ECHDC1: variants seen among roughly 807,000 people sequenced by gnomAD.
ECHDC1 encodes ethylmalonyl-CoA decarboxylase 1.
Under a neutral mutation model 29.7 loss-of-function variants are expected in ECHDC1, and 29 were observed. The observed-to-expected ratio is 0.98, with a 90% CI of 0.73 to 1.33. The LOEUF (loss-of-function observed/expected upper bound fraction) is 1.33. ECHDC1 is among the 40% of genes most tolerant of loss of function. The pLI is 0.00. For missense variants in ECHDC1, 328 were observed against 350.0 expected, an observed-to-expected ratio of 0.94 and a Z score of 0.50; for synonymous variants, 126 against 123.1, an observed-to-expected ratio of 1.02 and a Z score of -0.15.
chr6:127,328,809 G>A (rs558791767), intron 2 of ECHDC1, among the ~76,000 whole-genome samples: 2 of 152,212 alleles, frequency 1.3e-5, no homozygotes, highest in South Asian at 2.1e-4. Context: ...GGCAGATCAC[G>A]AGGTCAGGAG....
At chr6:127,317,351 C>CTTCCATATATACT (rs1782470944) in intron 3 of ECHDC1, among the ~76,000 whole-genome samples, 1 of 151,672 alleles carries the variant, frequency 6.6e-6, no homozygotes, top group Non-Finnish European at 1.5e-5. Context: ...TTTTGGAAGT[C>CTTCCATATATACT]TCATCTACTT....
intron 5 of ECHDC1, among the ~76,000 whole-genome samples, chr6:127,299,978 A>T (rs1287232084): frequency 6.6e-6 from 1 of 152,186 alleles, no homozygotes; most frequent in African/African-American, 2.4e-5. Flanking sequence ...CCTAGGAGCA[A>T]TAAGCTATAC....
At chr6:127,316,286 T>G in intron 4 of ECHDC1, 164 bp downstream of exon 4, 1 of 576,640 alleles carries the variant, frequency 1.7e-6, no homozygotes, top group Non-Finnish European at 3.1e-6. Context: ...TTCATTAACA[T>G]GTAATTAAAT....
At chr6:127,292,622 A>G (rs1250649460) in intron 5 of ECHDC1, among the ~76,000 whole-genome samples, 1 of 151,976 alleles carries the variant, frequency 6.6e-6, no homozygotes, top group African/African-American at 2.4e-5. Flanking sequence ...CCTTTACAGG[A>G]CTCTTTTAAC....
At chr6:127,333,721 C>A in intron 1 of ECHDC1, among the ~76,000 whole-genome samples, 1 of 137,284 alleles carries the variant, frequency 7.3e-6, no homozygotes, top group South Asian at 2.4e-4. Flanking sequence ...ACACAGTTTA[C>A]CAGTATACCA....
At chr6:127,310,668 A>T (rs1005637908) in intron 5 of ECHDC1, among the ~76,000 whole-genome samples, 1 of 152,232 alleles carries the variant, frequency 6.6e-6, no homozygotes, top group Non-Finnish European at 1.5e-5. Context: ...ACACTGTTGA[A>T]ATGACAACAA....
At position 127,342,521 on chromosome 6, in the gene ECHDC1, T is replaced by A. The variant is rs557281969; in HGVS notation, c.-3+815A>T. Reference sequence around the variant, plus strand: ...CTGCGCTGCTCCCTCCCCTCGTAGATTTCACAAATATACTTCTCACCACAA... The same window carrying A: ...CTGCGCTGCTCCCTCCCCTCGTAGAATTCACAAATATACTTCTCACCACAA... On this transcript the variant is annotated intron_variant, in intron 1 of 5. Transcript: ENST00000454859. 5.1e-5 allele frequency: 34 copies of A among 670,658 alleles called. No individual in the cohort carries two copies. The South Asian group carries it at 8.3e-4, about 16-fold the overall frequency. The allele number at this position is 670,658 out of a possible 1,614,324, so 41.5% of individuals were successfully genotyped here.
chr6:127,315,197 G>T, intron 4 of ECHDC1: 1 of 517,532 alleles, frequency 1.9e-6, no homozygotes, highest in Non-Finnish European at 3.7e-6. Context: ...CAAATAAATG[G>T]ATGCTTTTGT....
chr6:127,330,388 A>G (rs993538257), intron 2 of ECHDC1, among the ~76,000 whole-genome samples: 1 of 152,334 alleles, frequency 6.6e-6, no homozygotes, highest in South Asian at 2.1e-4. Flanking sequence ...TTTTATTTCA[A>G]TTCACAGAAA....
Position 127,316,488 on chromosome 6 carries a change from T to TTATTTA in ECHDC1, c.377_378insTAAATA (p.Val126_Cys127insLysTer). 6.2e-7 allele frequency: 1 copy of TTATTTA among 1,604,438 alleles called. No individual in the cohort carries two copies. The highest frequency in any genetic ancestry group is 1.1e-5 in the South Asian group (1 of 88,770). On this transcript the variant is annotated stop_gained and inframe_insertion, in exon 4 of 6. Transcript: ENST00000454859. LOFTEE classifies it high-confidence loss of function. Reference sequence around the variant, plus strand: ...TTAAGGTGTTTTGCATGAACATGCATACGGCCATTCCATCCTTTAAATAAA... The same window carrying TTATTTA: ...TTAAGGTGTTTTGCATGAACATGCATTATTTAACGGCCATTCCATCCTTTAAATAAA...
chr6:127,291,276 C>CTT (rs57066162), intron 5 of ECHDC1, among the ~76,000 whole-genome samples: 28,859 of 133,148 alleles, frequency 0.22, 4,081 homozygotes, highest in Middle Eastern at 0.34. Flanking sequence ...GCTCTTATAC[C>CTT]TTTTTTTTTT....
intron 5 of ECHDC1, among the ~76,000 whole-genome samples, chr6:127,309,604 G>A (rs1221180967): frequency 1.3e-5 from 2 of 151,698 alleles, no homozygotes; most frequent in South Asian, 2.1e-4. Context: ...AAACACTGGC[G>A]AAAATCTTAG....
At chr6:127,316,275 C>T (rs1582969673) in intron 4 of ECHDC1, 175 bp downstream of exon 4, 1 of 558,120 alleles carries the variant, frequency 1.8e-6, no homozygotes, top group Non-Finnish European at 3.2e-6. Context: ...TATGTATATA[C>T]TTCATTAACA....
intron 5 of ECHDC1, among the ~76,000 whole-genome samples, chr6:127,311,669 CAAAAAAAA>C (rs71272311): frequency 2.2e-3 from 55 of 25,026 alleles, no homozygotes; most frequent in African/African-American, 4.5e-3. Flanking sequence ...GGCTCTGTCT[CAAAAAAAA>C]AAAAAAAAAA....
chr6:127,342,504 C>T (rs1785043467), intron 1 of ECHDC1: 1 of 773,736 alleles, frequency 1.3e-6, no homozygotes, highest in Non-Finnish European at 2.0e-6. Context: ...TACTGCGCTG[C>T]TCCCTCCCCT....
chr6:127,328,798 G>A (rs1423114218), intron 2 of ECHDC1, among the ~76,000 whole-genome samples: 3 of 152,090 alleles, frequency 2.0e-5, no homozygotes, highest in African/African-American at 4.8e-5. Context: ...AGGCCAAGGC[G>A]GGCAGATCAC....
rs138841072 is a variant in ECHDC1, at chr6:127,315,075, C to G, written c.417-179G>C. ...AACCTTTACATCATGAGAAGAAAAA[C>G]AGTGTAATACTAAACATACAATAGT... On this transcript the variant is annotated intron_variant, in intron 4 of 5. Coordinates refer to ENST00000454859, the MANE Select transcript of ECHDC1 (RefSeq NM_001002030.2). 283 of 705,076 alleles carry G rather than the reference C, an allele frequency of 4.0e-4. No individual in the cohort carries two copies. In the African/African-American group the frequency reaches 4.2e-3, roughly 10 times the overall value. The allele number at this position is 705,076 out of a possible 1,614,324, so 43.7% of individuals were successfully genotyped here.
chr6:127,329,973 G>A, intron 2 of ECHDC1: 1 of 406,816 alleles, frequency 2.5e-6, no homozygotes, highest in Non-Finnish European at 4.8e-6. Context: ...TATGTCTATA[G>A]TACAACTGTA....
chr6:127,336,143 TA>T (rs1341278191), intron 1 of ECHDC1, among the ~76,000 whole-genome samples: 9 of 152,068 alleles, frequency 5.9e-5, no homozygotes, highest in African/African-American at 9.7e-5. Flanking sequence ...AGTGACACAA[TA>T]AAGGCAGAAT....
Sources: gnomAD v4.1 joint callset for allele counts (sites outside exome capture counted in the v4.1 genomes callset) on GRCh38, gnomAD v4.1.1 for gene constraint, MANE v1.5 for transcripts, NCBI Gene and HGNC (gene_info 2026-07-23, HGNC 2026-07-21) for gene names.